The following SHISA9 variants were observed in gnomAD, a reference collection of about 807,000 sequenced individuals.
SHISA9 encodes protein shisa-9.
A neutral mutation model predicts 38.0 loss-of-function variants in SHISA9; 13 were observed. That is an observed-to-expected ratio of 0.34 (90% CI 0.22 to 0.54). The LOEUF (loss-of-function observed/expected upper bound fraction) is 0.54. SHISA9 is among the 20% of genes least tolerant of loss of function. SHISA9 has a pLI of 0.91. For missense variants in SHISA9, 538 were observed against 575.8 expected (o/e 0.93, Z 0.67); for synonymous variants, 275 against 242.0 (o/e 1.14, Z -1.27).
chr16:13,134,318 C>A (rs947136195), intron 2 of SHISA9, among the ~76,000 whole-genome samples: 1 of 152,176 alleles, frequency 6.6e-6, no homozygotes, highest in African/African-American at 2.4e-5. Flanking sequence ...GCCTGGCACA[C>A]ACTAACATCT....
intron 2 of SHISA9, among the ~76,000 whole-genome samples, chr16:12,956,149 A>C (rs1230930777): frequency 6.6e-6 from 1 of 152,358 alleles, no homozygotes; most frequent in East Asian, 1.9e-4. Flanking sequence ...AGCACTAATC[A>C]TTAGAGAAAT....
At chr16:13,416,416 C>G in the SHISA9 span, among the ~76,000 whole-genome samples, 18 of 152,166 alleles carry the variant, frequency 1.2e-4, no homozygotes, top group African/African-American at 4.1e-4. Flanking sequence ...CAAACAGGAG[C>G]AGCCCACCTC....
the SHISA9 span, among the ~76,000 whole-genome samples, chr16:13,529,286 C>T: frequency 6.6e-6 from 1 of 152,228 alleles, no homozygotes; most frequent in Non-Finnish European, 1.5e-5. Context: ...TGTACTGTGT[C>T]TTGATCTTGC....
the SHISA9 span, among the ~76,000 whole-genome samples, chr16:13,254,417 G>T: frequency 2.8e-4 from 42 of 152,172 alleles, no homozygotes; most frequent in Non-Finnish European, 5.4e-4. Context: ...CAACCGGAGG[G>T]TTTGTTACGA....
the SHISA9 span, among the ~76,000 whole-genome samples, chr16:13,450,126 A>T: frequency 6.6e-6 from 1 of 152,170 alleles, no homozygotes; most frequent in African/African-American, 2.4e-5. Context: ...AAAAAAAAAT[A>T]CACACAAAGC....
the SHISA9 span, among the ~76,000 whole-genome samples, chr16:13,380,680 T>C: frequency 6.1e-3 from 936 of 152,290 alleles, 10 homozygotes; most frequent in African/African-American, 0.021. Context: ...CATTTTATTA[T>C]TATTATTATA....
chr16:13,467,693 C>T, the SHISA9 span, among the ~76,000 whole-genome samples: 1 of 152,198 alleles, frequency 6.6e-6, no homozygotes, highest in South Asian at 2.1e-4. Context: ...TAATGATATT[C>T]TCCAGAATTG....
At chr16:13,221,572 T>C (rs931424665) in intron 4 of SHISA9, among the ~76,000 whole-genome samples, 1 of 152,220 alleles carries the variant, frequency 6.6e-6, no homozygotes, top group Admixed American at 6.5e-5. Context: ...TACTAAAATG[T>C]CCCACAAATA....
At chr16:13,092,175 C>T (rs1245983571) in intron 2 of SHISA9, among the ~76,000 whole-genome samples, 1 of 152,236 alleles carries the variant, frequency 6.6e-6, no homozygotes, top group East Asian at 1.9e-4. Context: ...ATATTGCTGC[C>T]TGATCCTTAC....
intron 4 of SHISA9, among the ~76,000 whole-genome samples, chr16:13,229,340 T>C (rs2051309186): frequency 6.6e-6 from 1 of 152,152 alleles, no homozygotes; most frequent in African/African-American, 2.4e-5. Flanking sequence ...GAGGAGCTTA[T>C]TATGGAGAGA....
chr16:13,113,036 C>A (rs1451662338), intron 2 of SHISA9, among the ~76,000 whole-genome samples: 1 of 151,678 alleles, frequency 6.6e-6, no homozygotes. Flanking sequence ...ATGGTAAAAC[C>A]CCATCTCTAT....
chr16:13,412,919 A>G, the SHISA9 span, among the ~76,000 whole-genome samples: 8 of 152,248 alleles, frequency 5.3e-5, no homozygotes, highest in East Asian at 1.5e-3. Context: ...TTAAATAACA[A>G]ACTCCAGTAA....
chr16:12,932,345 AT>A (rs1187392165), intron 2 of SHISA9, among the ~76,000 whole-genome samples: 3 of 151,802 alleles, frequency 2.0e-5, no homozygotes, highest in African/African-American at 7.3e-5. Flanking sequence ...GATTATCTAG[AT>A]TTTTTTCTTT....
At chr16:12,902,715 A>T in intron 1 of SHISA9, 88 bp downstream of exon 1, 1 of 1,306,722 alleles carries the variant, frequency 7.7e-7, no homozygotes, top group East Asian at 2.5e-5. Flanking sequence ...GGCGCTCCCC[A>T]CGGTCCCCGC....
intron 2 of SHISA9, chr16:13,082,484 C>A (rs1340221206): frequency 1.3e-5 from 2 of 152,136 alleles, no homozygotes; most frequent in African/African-American, 4.8e-5. Flanking sequence ...TTCAGCACAT[C>A]CCGTTCACAG....
intron 2 of SHISA9, among the ~76,000 whole-genome samples, chr16:13,119,823 A>T (rs2074068053): frequency 6.6e-6 from 1 of 152,226 alleles, no homozygotes; most frequent in Admixed American, 6.5e-5. Flanking sequence ...TCAGGCAAGT[A>T]CTTAATATTG....
intron 2 of SHISA9, among the ~76,000 whole-genome samples, chr16:13,121,928 G>A (rs1481549827): frequency 6.6e-6 from 1 of 150,460 alleles, no homozygotes; most frequent in Non-Finnish European, 1.5e-5. Flanking sequence ...TTCCCTCTCA[G>A]CCTGAGTTTC....
At chr16:13,015,185 A>G (rs1015592090) in intron 2 of SHISA9, among the ~76,000 whole-genome samples, 4 of 152,230 alleles carry the variant, frequency 2.6e-5, no homozygotes, top group African/African-American at 9.6e-5. Context: ...GAATGCAGCC[A>G]TGCTTATTCA....
At chr16:13,379,914 T>C in the SHISA9 span, among the ~76,000 whole-genome samples, 1 of 152,142 alleles carries the variant, frequency 6.6e-6, no homozygotes. Context: ...TATAGTATAG[T>C]TAATGAAACA....
Sources: gnomAD v4.1 joint callset for allele counts (sites outside exome capture counted in the v4.1 genomes callset) on GRCh38, gnomAD v4.1.1 for gene constraint, MANE v1.5 for transcripts, NCBI Gene and HGNC (gene_info 2026-07-23, HGNC 2026-07-21) for gene names.